The following ACTA2 variants were observed in gnomAD, a reference collection of about 807,000 sequenced individuals.
The protein encoded by ACTA2 is actin alpha 2, smooth muscle.
Under a neutral mutation model 39.5 loss-of-function variants are expected in ACTA2, and 12 were observed. The ratio of observed to expected loss-of-function variants is 0.30; its 90% CI spans 0.19 to 0.49. ACTA2 has a LOEUF of 0.49. ACTA2 is among the 20% of genes least tolerant of loss of function. ACTA2 has a pLI of 0.99. For synonymous variants in ACTA2, 158 were observed against 180.6 expected (o/e 0.88, Z 1.00); for missense variants, 236 against 498.8 (o/e 0.47, Z 5.02).
chr10:88,935,108 A>C lies in ACTA2; in HGVS notation c.*115T>G. The C allele has an allele frequency of 6.9e-7, 1 of 1,446,816 alleles. No individual in the cohort carries two copies. The highest frequency in any genetic ancestry group is 9.6e-7 in the Non-Finnish European group (1 of 1,045,462). The allele number at this position is 1,446,816 out of a possible 1,614,324, so 89.6% of individuals were successfully genotyped here. On this transcript the variant is annotated 3_prime_UTR_variant, in exon 9 of 9. Transcript: ENST00000224784. ...GCCTATTTCAGATTTATTAAAAAACACATAGGTAACGAGTCAGAGCTTTGG... is the reference window on the plus strand; with the variant it reads ...GCCTATTTCAGATTTATTAAAAAACCCATAGGTAACGAGTCAGAGCTTTGG...
chr10:88,947,431 G>A, intron 2 of ACTA2, 45 bp from the exon 3 acceptor site: 1 of 1,611,916 alleles, frequency 6.2e-7, no homozygotes, highest in South Asian at 1.1e-5. Flanking sequence ...CCCAAAACTT[G>A]TGAATCAATT....
At chr10:88,991,082 C>T (rs1171112782) in exon 1 of ACTA2, 3 of 760,280 alleles carry the variant, frequency 3.9e-6, no homozygotes, top group African/African-American at 3.5e-5. Context: ...CTGTTAGGAC[C>T]TTCCCTCAGG....
chr10:88,949,814 C>T (rs1846017938), intron 1 of ACTA2, among the ~76,000 whole-genome samples: 1 of 152,036 alleles, frequency 6.6e-6, no homozygotes, highest in African/African-American at 2.4e-5. Context: ...ATCATATTTA[C>T]CAAGATGTTG....
chr10:88,967,050 G>A (rs1418536591), intron 1 of ACTA2, among the ~76,000 whole-genome samples: 1 of 152,164 alleles, frequency 6.6e-6, no homozygotes, highest in Non-Finnish European at 1.5e-5. Context: ...TTTAGCTTCA[G>A]ACATACTTTA....
chr10:88,987,139 C>T (rs1241032488), intron 1 of ACTA2, among the ~76,000 whole-genome samples: 1 of 152,186 alleles, frequency 6.6e-6, no homozygotes, highest in Non-Finnish European at 1.5e-5. Flanking sequence ...ACTGTGGGCT[C>T]TGACGCCCTC....
rs1225254480 is a variant in ACTA2, at chr10:88,945,176, T to C, written c.259-1269A>G. 3.9e-5 allele frequency among the ~76,000 whole-genome samples: 6 copies of C among 152,348 alleles called. No individual in the cohort carries two copies. In the East Asian group the frequency reaches 5.8e-4, roughly 15 times the overall value. On this transcript the variant is annotated intron_variant, in intron 3 of 8. Transcript: ENST00000224784. ...AAATAAGGAAAGTTTTTTCTTCCAA[T>C]AGTCTCTGTCTAGGACGATACATTC...
chr10:88,962,906 A>C (rs1846249940), intron 1 of ACTA2, among the ~76,000 whole-genome samples: 2 of 71,638 alleles, frequency 2.8e-5, no homozygotes, highest in Admixed American at 1.7e-4. Flanking sequence ...GTGCAGGGGA[A>C]TGCCCCATAT....
chr10:88,989,533 T>C (rs1267646392), intron 1 of ACTA2: 1 of 543,744 alleles, frequency 1.8e-6, no homozygotes, highest in Non-Finnish European at 3.6e-6. Context: ...AACAGTCTAC[T>C]GAAAGGTGGA....
chr10:88,960,294 C>A (rs973227355), intron 1 of ACTA2, among the ~76,000 whole-genome samples: 4 of 152,084 alleles, frequency 2.6e-5, no homozygotes, highest in African/African-American at 9.7e-5. Flanking sequence ...GAGGCAGAAC[C>A]ACATGACATC....
At chr10:88,951,642 C>T (rs1007605544) in intron 1 of ACTA2, among the ~76,000 whole-genome samples, 6 of 152,118 alleles carry the variant, frequency 3.9e-5, no homozygotes, top group African/African-American at 1.2e-4. Flanking sequence ...ATGAGCAGTT[C>T]GGTTTGGAGC....
intron 1 of ACTA2, among the ~76,000 whole-genome samples, chr10:88,963,146 G>C (rs979841896): frequency 6.6e-6 from 1 of 151,170 alleles, no homozygotes; most frequent in Admixed American, 6.6e-5. Flanking sequence ...GGGATTATGG[G>C]AGCTACAATT....
At chr10:88,945,416 G>A (rs941878192) in intron 3 of ACTA2, among the ~76,000 whole-genome samples, 4 of 152,166 alleles carry the variant, frequency 2.6e-5, no homozygotes, top group African/African-American at 9.7e-5. Flanking sequence ...TAAATTGTGT[G>A]CGTAGTAGTA....
intron 1 of ACTA2, among the ~76,000 whole-genome samples, chr10:88,960,831 A>T (rs1846215485): frequency 6.6e-6 from 1 of 152,212 alleles, no homozygotes; most frequent in African/African-American, 2.4e-5. Flanking sequence ...TAACAAAGCT[A>T]TCTTACCAAG....
chr10:88,944,462 A>C (rs1845910651), intron 3 of ACTA2, among the ~76,000 whole-genome samples: 1 of 152,246 alleles, frequency 6.6e-6, no homozygotes, highest in Non-Finnish European at 1.5e-5. Context: ...TTTTGTAAAT[A>C]AAAAGACAAA....
intron 1 of ACTA2, among the ~76,000 whole-genome samples, chr10:88,983,415 A>C (rs1846760274): frequency 6.6e-6 from 1 of 152,206 alleles, no homozygotes. Context: ...TAGGGAGTTT[A>C]CATCTTGATG....
chr10:88,991,283 C>A, exon 1 of ACTA2: 1 of 418,092 alleles, frequency 2.4e-6, no homozygotes, highest in Non-Finnish European at 4.5e-6. Flanking sequence ...AGGGGGACCC[C>A]GGTTGGAGAG....
At chr10:88,939,423 A>G in intron 7 of ACTA2, 84 bp downstream of exon 7, 1 of 1,566,642 alleles carries the variant, frequency 6.4e-7, no homozygotes, top group East Asian at 2.2e-5. Context: ...GGCAACCGTC[A>G]CTTGTCTCCA....
chr10:88,976,256 C>T (rs765327213), intron 1 of ACTA2, among the ~76,000 whole-genome samples: 22 of 152,158 alleles, frequency 1.4e-4, no homozygotes, highest in Non-Finnish European at 2.6e-4. Context: ...TTTACGAATT[C>T]GTGTTGGGCT....
At chr10:88,948,700 A>G (rs1845996980) in intron 2 of ACTA2, 102 bp downstream of exon 2, 2 of 1,522,156 alleles carry the variant, frequency 1.3e-6, no homozygotes, top group East Asian at 2.3e-5. Context: ...TAACAAGGTT[A>G]CATAACTTCT....
Sources: gnomAD v4.1 joint callset for allele counts (sites outside exome capture counted in the v4.1 genomes callset) on GRCh38, gnomAD v4.1.1 for gene constraint, MANE v1.5 for transcripts, NCBI Gene and HGNC (gene_info 2026-07-23, HGNC 2026-07-21) for gene names.